POFUT3: variants seen among roughly 807,000 people sequenced by gnomAD.
The protein encoded by POFUT3 is GDP-fucose protein O-fucosyltransferase 3.
the POFUT3 span, among the ~76,000 whole-genome samples, chr8:33,364,928 C>T: frequency 4.6e-5 from 7 of 152,212 alleles, no homozygotes; most frequent in Middle Eastern, 3.4e-3. Flanking sequence ...TCATATGGAA[C>T]CAAAAAAGAG....
the POFUT3 span, among the ~76,000 whole-genome samples, chr8:33,463,630 C>T: frequency 1.3e-5 from 2 of 152,252 alleles, no homozygotes; most frequent in South Asian, 4.1e-4. Context: ...CTGTAGCCTC[C>T]AACTCCCAGG....
At chr8:33,395,772 A>G in the POFUT3 span, among the ~76,000 whole-genome samples, 1 of 152,114 alleles carries the variant, frequency 6.6e-6, no homozygotes, top group Non-Finnish European at 1.5e-5. Context: ...ACCCCTAGAC[A>G]CTGCCGTGGG....
chr8:33,429,108 A>C, the POFUT3 span, among the ~76,000 whole-genome samples: 1 of 152,186 alleles, frequency 6.6e-6, no homozygotes, highest in East Asian at 1.9e-4. Flanking sequence ...ACCTTACAAA[A>C]ACCCTAAAGA....
chr8:33,422,124 A>G, the POFUT3 span, among the ~76,000 whole-genome samples: 2 of 151,820 alleles, frequency 1.3e-5, no homozygotes, highest in Admixed American at 6.6e-5. Flanking sequence ...AGCATTATTT[A>G]CTTTTTGATA....
the POFUT3 span, among the ~76,000 whole-genome samples, chr8:33,352,218 T>G: frequency 1.3e-5 from 2 of 152,190 alleles, no homozygotes; most frequent in Non-Finnish European, 2.9e-5. Flanking sequence ...ACAAAAAGCC[T>G]TAGAAAGCAA....
chr8:33,400,725 T>C, the POFUT3 span, among the ~76,000 whole-genome samples: 1 of 152,212 alleles, frequency 6.6e-6, no homozygotes, highest in Non-Finnish European at 1.5e-5. Context: ...GTATCAAAAC[T>C]TCTTCAGAGT....
the POFUT3 span, among the ~76,000 whole-genome samples, chr8:33,323,288 A>G: frequency 6.6e-6 from 1 of 152,172 alleles, no homozygotes; most frequent in Non-Finnish European, 1.5e-5. Context: ...TCTGGGCAAA[A>G]TGCTGTTGGA....
chr8:33,417,756 T>C, the POFUT3 span, among the ~76,000 whole-genome samples: 4 of 151,362 alleles, frequency 2.6e-5, no homozygotes, highest in African/African-American at 9.7e-5. Context: ...TAATCACACT[T>C]CAAATAGATC....
At chr8:33,444,958 G>A in the POFUT3 span, among the ~76,000 whole-genome samples, 1 of 120,702 alleles carries the variant, frequency 8.3e-6, no homozygotes, top group Non-Finnish European at 1.6e-5. Context: ...TTTTGAGATA[G>A]GTTCTCACTC....
chr8:33,457,151 A>C, the POFUT3 span, among the ~76,000 whole-genome samples: 35 of 152,266 alleles, frequency 2.3e-4, no homozygotes, highest in Non-Finnish European at 5.0e-4. Context: ...CTTATCCCAA[A>C]TTCAAACCAA....
chr8:33,457,018 C>G, the POFUT3 span, among the ~76,000 whole-genome samples: 1 of 152,074 alleles, frequency 6.6e-6, no homozygotes, highest in Admixed American at 6.6e-5. Flanking sequence ...ATCCACCCAC[C>G]TCAGCCTCCT....
the POFUT3 span, chr8:33,389,313 A>T: frequency 2.5e-6 from 4 of 1,614,036 alleles, no homozygotes; most frequent in Non-Finnish European, 3.4e-6. Flanking sequence ...TCAGTGATGT[A>T]GTCATCACAA....
the POFUT3 span, among the ~76,000 whole-genome samples, chr8:33,391,170 C>T: frequency 6.6e-6 from 1 of 152,084 alleles, no homozygotes; most frequent in Non-Finnish European, 1.5e-5. Flanking sequence ...TATTTAATGC[C>T]AGTGTACACT....
chr8:33,374,571 A>G, the POFUT3 span, among the ~76,000 whole-genome samples: 1 of 152,196 alleles, frequency 6.6e-6, no homozygotes, highest in Non-Finnish European at 1.5e-5. Flanking sequence ...CTAAAGAGAA[A>G]TATGACTAGA....
At chr8:33,421,361 T>C in the POFUT3 span, among the ~76,000 whole-genome samples, 1 of 152,200 alleles carries the variant, frequency 6.6e-6, no homozygotes, top group Non-Finnish European at 1.5e-5. Flanking sequence ...GAAATTTAAC[T>C]AAATCTTCAA....
the POFUT3 span, among the ~76,000 whole-genome samples, chr8:33,317,249 A>AC: frequency 2.0e-5 from 3 of 152,076 alleles, no homozygotes; most frequent in Non-Finnish European, 2.9e-5. Context: ...AGAAGCCTGG[A>AC]CCCCCACCAA....
chr8:33,446,673 T>G, the POFUT3 span, among the ~76,000 whole-genome samples: 35 of 152,302 alleles, frequency 2.3e-4, 1 homozygote, highest in East Asian at 5.8e-4. Context: ...CTGTCTAACC[T>G]GATCATCAGG....
At chr8:33,397,907 G>A in the POFUT3 span, among the ~76,000 whole-genome samples, 1 of 152,170 alleles carries the variant, frequency 6.6e-6, no homozygotes, top group African/African-American at 2.4e-5. Flanking sequence ...CTAACTCAGA[G>A]AAGCATAGGC....
At chr8:33,415,273 T>A in the POFUT3 span, among the ~76,000 whole-genome samples, 37 of 151,876 alleles carry the variant, frequency 2.4e-4, no homozygotes, top group African/African-American at 8.7e-4. Flanking sequence ...AAAAAATAAA[T>A]AAATAAATAA....
Sources: allele counts gnomAD v4.1 joint callset (sites outside exome capture counted in the v4.1 genomes callset), GRCh38; gene constraint gnomAD v4.1.1; transcripts MANE v1.5; gene names NCBI Gene and HGNC (gene_info 2026-07-23, HGNC 2026-07-21).